The following LBH variants were observed in gnomAD, a reference collection of about 807,000 sequenced individuals.
LBH encodes the protein protein LBH.
LBH carries 7 observed loss-of-function variants against 12.5 expected under a neutral mutation model. The observed-to-expected ratio is 0.56, with a 90% confidence interval of 0.32 to 1.05. The LOEUF is 1.05. Among genes scored for constraint, LBH ranks in the 50% least tolerant of loss-of-function variants. The pLI, the probability that LBH is intolerant of heterozygous loss-of-function variation, is 0.04. For missense variants in LBH, 119 were observed against 138.9 expected, an observed-to-expected ratio of 0.86 and a Z score of 0.72; for synonymous variants, 51 against 50.1, an observed-to-expected ratio of 1.02 and a Z score of -0.08.
chr2:30,247,283 A>G (rs943078139), intron 2 of LBH, among the ~76,000 whole-genome samples: 2 of 152,230 alleles, frequency 1.3e-5, no homozygotes, highest in Non-Finnish European at 2.9e-5. Flanking sequence ...TAGGTTCACC[A>G]AGTTATGCAG....
At chr2:30,232,251 G>GCCCCCC in intron 1 of LBH, 1 of 488,912 alleles carries the variant, frequency 2.0e-6, no homozygotes, top group Non-Finnish European at 3.7e-6. Context: ...TGGGGGGCGG[G>GCCCCCC]AAACGCTCTC....
At chr2:30,251,833 G>A (rs970617364) in intron 2 of LBH, among the ~76,000 whole-genome samples, 6 of 152,158 alleles carry the variant, frequency 3.9e-5, no homozygotes, top group Non-Finnish European at 7.3e-5. Context: ...AGATGATTTA[G>A]TATGAGGATG....
At position 30,234,445 on chromosome 2, in the gene LBH, A is replaced by G. The variant is rs748693414; in HGVS notation, c.67A>G (p.Met23Val). The change falls in exon 2 of 3, where the codon ATG (methionine) becomes GTG (valine). Residue 23 changes from methionine (M) to valine (V), a missense_variant. Physicochemically the swap from Met to Val is conservative, Grantham distance 21. Coordinates refer to ENST00000395323, the MANE Select transcript of LBH (RefSeq NM_030915.4). ...ATCGGCCAAGATGACTGAGGTGATG[A>G]TGAACACCCAGCCCATGGAGGAGAT... ...LRSAKMTEVM[M>V]NTQPMEEIGL... 2 of 1,614,142 alleles carry G rather than the reference A, an allele frequency of 1.2e-6. No individual in the cohort carries two copies. Among genetic ancestry groups the G allele is most frequent in the Non-Finnish European group, 8.5e-7 (1 of 1,179,992 alleles).
At chr2:30,242,074 T>C (rs905300972) in intron 2 of LBH, among the ~76,000 whole-genome samples, 8 of 152,300 alleles carry the variant, frequency 5.3e-5, no homozygotes, top group African/African-American at 1.9e-4. Flanking sequence ...TTTTCTCTTA[T>C]AAATATGTAA....
At chr2:30,241,081 A>G (rs1246984637) in intron 2 of LBH, among the ~76,000 whole-genome samples, 1 of 152,256 alleles carries the variant, frequency 6.6e-6, no homozygotes, top group Non-Finnish European at 1.5e-5. Context: ...GCACTTGTTC[A>G]AACTGGATTT....
intron 2 of LBH, among the ~76,000 whole-genome samples, chr2:30,239,898 G>A (rs1436584428): frequency 6.6e-6 from 1 of 152,166 alleles, no homozygotes; most frequent in African/African-American, 2.4e-5. Flanking sequence ...ATTCCCATGG[G>A]GATTTCCTCC....
chr2:30,232,311 C>A, intron 1 of LBH: 2 of 1,390,188 alleles, frequency 1.4e-6, no homozygotes, highest in Non-Finnish European at 1.9e-6. Flanking sequence ...CGCGCTGCAG[C>A]CTCTCAACCC....
intron 2 of LBH, among the ~76,000 whole-genome samples, chr2:30,254,355 G>A (rs907695393): frequency 8.5e-5 from 13 of 152,108 alleles, no homozygotes; most frequent in South Asian, 6.2e-4. Context: ...TTATTGTACC[G>A]TACCTACCTA....
intron 2 of LBH, among the ~76,000 whole-genome samples, chr2:30,246,458 T>C (rs1677870689): frequency 6.6e-6 from 1 of 152,246 alleles, no homozygotes; most frequent in African/African-American, 2.4e-5. Context: ...TACTTATTCA[T>C]TTAGAGTAAC....
rs185914965 is a variant in LBH at position 30,236,975 on chromosome 2, C to T, written c.129+2468C>T. Among the ~76,000 whole-genome samples, 710 of 152,308 alleles carry T rather than the reference C, an allele frequency of 4.7e-3. 4 individuals carry two copies. Among genetic ancestry groups the T allele is most frequent in the Non-Finnish European group, 6.7e-3 (459 of 68,028 alleles). On this transcript the variant is annotated intron_variant, in intron 2 of 2. Coordinates refer to ENST00000395323, the MANE Select transcript of LBH (RefSeq NM_030915.4). ...GTGCAGTGAGCTGGTCTGACCATTG[C>T]GGTGTGACAGATATTCTCCGGGCCC...
Position 30,231,636 on chromosome 2 carries a change from C to T in LBH, c.-103C>T, listed in dbSNP as rs1572373851. On this transcript the variant is annotated 5_prime_UTR_variant, in exon 1 of 3. Coordinates refer to ENST00000395323, the MANE Select transcript of LBH (RefSeq NM_030915.4). ...GGACGGCGAGCGCCCGGTGTCCGCA[C>T]TCGGCCGCCTGCCGTGCCCGTCTGC... 2 of 1,223,710 alleles carry T rather than the reference C, an allele frequency of 1.6e-6. No individual in the cohort carries two copies. Among genetic ancestry groups the T allele is most frequent in the East Asian group, 2.5e-5 (1 of 39,498 alleles). The allele number at this position is 1,223,710 out of a possible 1,614,324, so 75.8% of individuals were successfully genotyped here.
chr2:30,231,694 C>G lies in LBH; in HGVS notation c.-45C>G, dbSNP rs1489915458. ...TCATCCTCACTCGGGACGCAGGGAC[C>G]GTTTTTAAATCACAGGGGCGTGTGT... On this transcript the variant is annotated 5_prime_UTR_variant, in exon 1 of 3. Transcript: ENST00000395323. 1 of 1,579,310 alleles carries G rather than the reference C, an allele frequency of 6.3e-7. No homozygotes were observed. The highest frequency in any genetic ancestry group is 8.6e-7 in the Non-Finnish European group (1 of 1,158,632).
At chr2:30,248,197 A>G (rs917155283) in intron 2 of LBH, among the ~76,000 whole-genome samples, 1 of 152,222 alleles carries the variant, frequency 6.6e-6, no homozygotes, top group African/African-American at 2.4e-5. Flanking sequence ...GTGATCAACT[A>G]AAATCTCCAA....
chr2:30,244,321 A>G (rs1677839600), intron 2 of LBH, among the ~76,000 whole-genome samples: 1 of 152,174 alleles, frequency 6.6e-6, no homozygotes, highest in African/African-American at 2.4e-5. Context: ...TTGTATGCCA[A>G]ATTACTTCTT....
At chr2:30,257,307 G>A (rs765039072) in intron 2 of LBH, 126 bp from the exon 3 acceptor site, 23 of 997,466 alleles carry the variant, frequency 2.3e-5, no homozygotes, top group Middle Eastern at 4.4e-4. Context: ...ACAGCCTCCC[G>A]AGTGCAAAGC....
At chr2:30,254,587 CCTCTTCCTCCT>C (rs1038652671) in intron 2 of LBH, among the ~76,000 whole-genome samples, 4 of 151,864 alleles carry the variant, frequency 2.6e-5, no homozygotes, top group South Asian at 2.1e-4. Context: ...TCCTCTTCGT[CCTCTTCCTCCT>C]CTCTTCCTCC....
At chr2:30,245,289 G>A (rs1677852617) in intron 2 of LBH, among the ~76,000 whole-genome samples, 1 of 152,184 alleles carries the variant, frequency 6.6e-6, no homozygotes, top group Non-Finnish European at 1.5e-5. Context: ...TATGGTATTT[G>A]TAATCCATTT....
Position 30,258,224 on chromosome 2 carries a change from G to A in LBH, c.*603G>A, listed in dbSNP as rs1195189687. The stretch of plus-strand genomic sequence containing the variant: ...GTGTTGGTCTATATGACAGGGAGGA[G>A]AGTAAAGGAGAGCAGGAGCAATTGG... On this transcript the variant is annotated 3_prime_UTR_variant, in exon 3 of 3. Transcript: ENST00000395323. 6.6e-6 allele frequency: 1 copy of A among 152,616 alleles called. No homozygotes were observed. Among genetic ancestry groups the A allele is most frequent in the East Asian group, 1.9e-4 (1 of 5,180 alleles). 9.5% of individuals were successfully genotyped at this position (152,616 alleles called of 1,614,324 possible).
intron 2 of LBH, among the ~76,000 whole-genome samples, chr2:30,255,852 G>C (rs752014263): frequency 2.6e-5 from 4 of 152,196 alleles, no homozygotes; most frequent in Non-Finnish European, 4.4e-5. Flanking sequence ...CAGCCCCCCA[G>C]ATCTCTTCAA....
Sources: gnomAD v4.1 joint callset for allele counts (sites outside exome capture counted in the v4.1 genomes callset) on GRCh38, gnomAD v4.1.1 for gene constraint, MANE v1.5 for transcripts, NCBI Gene and HGNC (gene_info 2026-07-23, HGNC 2026-07-21) for gene names.